The following ADAMTSL1 variants were observed in gnomAD, a reference collection of about 807,000 sequenced individuals.
ADAMTSL1 encodes ADAMTS-like protein 1.
A neutral mutation model predicts 201.8 loss-of-function variants in ADAMTSL1; 126 were observed. That is an observed-to-expected ratio of 0.62 (90% CI 0.54 to 0.72). ADAMTSL1 has a LOEUF of 0.72. Ranked by LOEUF, ADAMTSL1 falls within the 30% of genes least tolerant of loss-of-function variation. The pLI is 0.00. For missense variants in ADAMTSL1, 2,679 were observed against 2,277.8 expected (o/e 1.18, Z -3.59); for synonymous variants, 1,121 against 903.4 (o/e 1.24, Z -4.32).
At chr9:17,973,200 T>G (rs1169763646) in intron 1 of ADAMTSL1, among the ~76,000 whole-genome samples, 3 of 151,668 alleles carry the variant, frequency 2.0e-5, no homozygotes, top group African/African-American at 7.3e-5. Flanking sequence ...TGGCTTTTGT[T>G]GCCATTCCTT....
At chr9:18,477,231 T>C (rs1366827404) in intron 1 of ADAMTSL1, among the ~76,000 whole-genome samples, 1 of 152,246 alleles carries the variant, frequency 6.6e-6, no homozygotes, top group Non-Finnish European at 1.5e-5. Flanking sequence ...GTCAAATCAC[T>C]TCTTGTCAGA....
At chr9:18,166,045 A>G (rs1827613466) in intron 2 of ADAMTSL1, among the ~76,000 whole-genome samples, 1 of 151,928 alleles carries the variant, frequency 6.6e-6, no homozygotes, top group East Asian at 1.9e-4. Context: ...CACAAGAATC[A>G]CTTGACAAAA....
chr9:18,584,995 C>T (rs117103010), intron 4 of ADAMTSL1, among the ~76,000 whole-genome samples: 5,625 of 152,290 alleles, frequency 0.037, 146 homozygotes, highest in Middle Eastern at 0.054. Context: ...TTTCTATCAA[C>T]TGTCTCTTCG....
chr9:18,586,037 G>A (rs1434804925), intron 4 of ADAMTSL1, among the ~76,000 whole-genome samples: 4 of 152,220 alleles, frequency 2.6e-5, no homozygotes, highest in Admixed American at 2.6e-4. Context: ...ACAAGACAAA[G>A]ATGCCTTCTC....
chr9:18,318,486 TG>T (rs757654487), intron 2 of ADAMTSL1, among the ~76,000 whole-genome samples: 2 of 152,216 alleles, frequency 1.3e-5, no homozygotes, highest in Non-Finnish European at 2.9e-5. Context: ...TCAGAAAATC[TG>T]GATAGACACT....
intron 1 of ADAMTSL1, among the ~76,000 whole-genome samples, chr9:18,135,984 AT>A (rs1826142553): frequency 6.6e-6 from 1 of 152,166 alleles, no homozygotes; most frequent in African/African-American, 2.4e-5. Context: ...CAAGGCACAG[AT>A]TAGTTCATTT....
chr9:17,948,321 A>G (rs1220292066), intron 1 of ADAMTSL1, among the ~76,000 whole-genome samples: 4 of 152,174 alleles, frequency 2.6e-5, no homozygotes, highest in Non-Finnish European at 5.9e-5. Flanking sequence ...CATATTTTAC[A>G]AATACCAAAT....
At chr9:18,358,359 AT>A (rs1324770857) in intron 2 of ADAMTSL1, among the ~76,000 whole-genome samples, 8 of 152,102 alleles carry the variant, frequency 5.3e-5, no homozygotes, top group African/African-American at 1.2e-4. Flanking sequence ...ACATTTTTGC[AT>A]TTTTTTATAG....
intron 4 of ADAMTSL1, among the ~76,000 whole-genome samples, chr9:18,585,534 T>C (rs920531274): frequency 3.9e-5 from 6 of 152,282 alleles, no homozygotes; most frequent in African/African-American, 1.4e-4. Context: ...TAGAAAGTCA[T>C]ACAACTGGAA....
chr9:18,901,459 A>G (rs891899025), intron 26 of ADAMTSL1, among the ~76,000 whole-genome samples: 6 of 152,262 alleles, frequency 3.9e-5, no homozygotes, highest in Non-Finnish European at 7.3e-5. Context: ...AAAGAAATGC[A>G]TAAGAAGTAA....
chr9:17,993,133 C>T (rs935687739), intron 1 of ADAMTSL1, among the ~76,000 whole-genome samples: 25 of 152,142 alleles, frequency 1.6e-4, no homozygotes, highest in African/African-American at 6.0e-4. Flanking sequence ...GTTTACAAAG[C>T]AGCTCCTTAT....
At chr9:18,453,140 C>T (rs1334617965) in intron 2 of ADAMTSL1, among the ~76,000 whole-genome samples, 1 of 152,174 alleles carries the variant, frequency 6.6e-6, no homozygotes, top group Admixed American at 6.5e-5. Flanking sequence ...TAGCCGTTGC[C>T]AAGGTTTACA....
At chr9:18,269,867 T>C (rs1017326526) in intron 2 of ADAMTSL1, among the ~76,000 whole-genome samples, 4 of 150,730 alleles carry the variant, frequency 2.7e-5, no homozygotes, top group African/African-American at 9.8e-5. Context: ...TTTTAATTTG[T>C]GCATCCCAAC....
chr9:18,344,207 C>T lies in ADAMTSL1; in HGVS notation c.208-160622C>T, dbSNP rs182555695. On this transcript the variant is annotated intron_variant, in intron 2 of 29. Transcript: ENST00000680146. ...TTTTGTTTAACTAAAATTCCTTAGG[C>T]TCTAATGATTTTTTTCATTTATTTT... is the stretch of plus-strand genomic sequence containing the variant. Among the ~76,000 whole-genome samples the T allele has an allele frequency of 3.3e-3, 505 of 152,236 alleles. 4 individuals are homozygous for T. The highest frequency in any genetic ancestry group is 0.012 in the African/African-American group (483 of 41,546).
Position 18,486,333 on chromosome 9 carries a change from G to A in ADAMTSL1, c.63+12038G>A, listed in dbSNP as rs1232539102. On this transcript the variant is annotated intron_variant, in intron 1 of 28. Coordinates refer to ENST00000380548, the MANE Select transcript of ADAMTSL1 (RefSeq NM_001040272.6). Reference sequence around the variant, plus strand: ...TGAATTCAGGCCCAAGTTTTCTGAAGAGACTGCCAAACTGTTGTGACTTAA... The same window carrying A: ...TGAATTCAGGCCCAAGTTTTCTGAAAAGACTGCCAAACTGTTGTGACTTAA... 2.0e-5 allele frequency among the ~76,000 whole-genome samples: 3 copies of A among 152,202 alleles called. No homozygotes were observed. The East Asian group carries it at 5.8e-4, about 29-fold the overall frequency.
intron 19 of ADAMTSL1, 117 bp downstream of exon 19, chr9:18,778,023 CG>C: frequency 1.5e-6 from 2 of 1,345,420 alleles, no homozygotes; most frequent in Non-Finnish European, 2.0e-6. Flanking sequence ...GAGCTGGCCT[CG>C]GGGACCCCAT....
intron 7 of ADAMTSL1, among the ~76,000 whole-genome samples, chr9:18,653,798 C>T (rs112176455): frequency 6.6e-6 from 1 of 152,176 alleles, no homozygotes; most frequent in Non-Finnish European, 1.5e-5. Flanking sequence ...CTTAGCATTT[C>T]CAACTGTTAA....
At chr9:18,887,234 A>G (rs1307632622) in intron 23 of ADAMTSL1, among the ~76,000 whole-genome samples, 5 of 152,238 alleles carry the variant, frequency 3.3e-5, no homozygotes, top group Admixed American at 3.3e-4. Context: ...AATATGTTTG[A>G]TGGCTCTGTA....
chr9:18,478,701 T>G (rs1451880132), intron 1 of ADAMTSL1, among the ~76,000 whole-genome samples: 1 of 152,166 alleles, frequency 6.6e-6, no homozygotes, highest in African/African-American at 2.4e-5. Context: ...GACCCAGAAG[T>G]GACCTCTTCG....
Sources: gnomAD v4.1 joint callset for allele counts (sites outside exome capture counted in the v4.1 genomes callset) on GRCh38, gnomAD v4.1.1 for gene constraint, MANE v1.5 for transcripts, NCBI Gene and HGNC (gene_info 2026-07-23, HGNC 2026-07-21) for gene names.